RBM20: variants seen among roughly 807,000 people sequenced by gnomAD.
RBM20 encodes the protein RNA-binding protein 20.
Under a neutral mutation model 110.1 loss-of-function variants are expected in RBM20, and 51 were observed. The observed-to-expected ratio is 0.46, with a 90% confidence interval of 0.37 to 0.59. The LOEUF is 0.59. Among genes scored for constraint, RBM20 ranks in the 20% least tolerant of loss-of-function variants. RBM20 has a pLI of 0.00. For synonymous variants in RBM20, 589 were observed against 618.2 expected, an observed-to-expected ratio of 0.95 and a Z score of 0.70; for missense variants, 1,512 against 1,574.9, an observed-to-expected ratio of 0.96 and a Z score of 0.68.
chr10:110,716,046 T>C (rs1863011488), intron 1 of RBM20, among the ~76,000 whole-genome samples: 1 of 152,234 alleles, frequency 6.6e-6, no homozygotes, highest in Non-Finnish European at 1.5e-5. Flanking sequence ...TCAGGAAGTA[T>C]CACATTCTTC....
intron 1 of RBM20, among the ~76,000 whole-genome samples, chr10:110,665,734 GTAT>G (rs1260549738): frequency 2.0e-5 from 3 of 152,048 alleles, no homozygotes; most frequent in Non-Finnish European, 4.4e-5. Context: ...ATTTATTCAT[GTAT>G]TATTTATTTG....
intron 1 of RBM20, among the ~76,000 whole-genome samples, chr10:110,661,187 G>A (rs1399395904): frequency 1.3e-5 from 2 of 152,212 alleles, no homozygotes; most frequent in Non-Finnish European, 2.9e-5. Flanking sequence ...GCCCACCTAG[G>A]ATATGAACTA....
At position 110,644,424 on chromosome 10, in the gene RBM20, T is replaced by C. The variant is rs1192388291; in HGVS notation, c.-31T>C. On this transcript the variant is annotated 5_prime_UTR_variant, in exon 1 of 14. Transcript: ENST00000369519. This position sits in a 1 kb window ranked among gnomAD's most constrained non-coding sequence, Gnocchi z 4.3. ...GGGACCGCCCCTCCCTTGAGCTCTC[T>C]CGCCGCGATCCCGGGCGGGTCTCGC... 8.3e-6 allele frequency: 12 copies of C among 1,441,876 alleles called. No individual in the cohort carries two copies. The African/African-American group carries it at 1.5e-4, about 18-fold the overall frequency. The allele number at this position is 1,441,876 out of a possible 1,614,324, so 89.3% of individuals were successfully genotyped here.
chr10:110,774,917 G>C (rs921099701), intron 1 of RBM20, among the ~76,000 whole-genome samples: 1 of 152,068 alleles, frequency 6.6e-6, no homozygotes, highest in Non-Finnish European at 1.5e-5. Flanking sequence ...GAGAATTTTT[G>C]ATCTAGGAAA....
At chr10:110,833,018 G>T (rs942647013) in intron 13 of RBM20, among the ~76,000 whole-genome samples, 3 of 152,198 alleles carry the variant, frequency 2.0e-5, no homozygotes, top group African/African-American at 7.2e-5. Flanking sequence ...GAATGGTAAG[G>T]ATGGAAGGGG....
rs555504748 is a variant in RBM20, at chr10:110,655,511, T to C, written c.191+10866T>C. ...AGACACGATAGTTTGATTTGCAAAG[T>C]GTGTCTGCCAACTTCCACCAGACCA... On this transcript the variant is annotated intron_variant, in intron 1 of 13. Transcript: ENST00000369519. Among the ~76,000 whole-genome samples, 10 of 152,306 alleles carry C rather than the reference T, an allele frequency of 6.6e-5. 1 individual carries two copies. Among genetic ancestry groups the C allele is most frequent in the African/African-American group, 2.4e-4 (10 of 41,564 alleles).
intron 1 of RBM20, among the ~76,000 whole-genome samples, chr10:110,760,345 T>G (rs1251116048): frequency 6.6e-6 from 1 of 151,522 alleles, no homozygotes; most frequent in African/African-American, 2.4e-5. Context: ...GGGGCTGTGT[T>G]AGACACTTTC....
intron 1 of RBM20, among the ~76,000 whole-genome samples, chr10:110,754,250 TA>T (rs781657541): frequency 2.0e-5 from 3 of 152,368 alleles, no homozygotes; most frequent in East Asian, 1.9e-4. Flanking sequence ...ATAATCTGTA[TA>T]TTTTTTTCTC....
intron 1 of RBM20, 40 bp from the exon 2 acceptor site, chr10:110,780,761 T>C (rs1318392491): frequency 6.8e-7 from 1 of 1,469,744 alleles, no homozygotes; most frequent in East Asian, 2.5e-5. Flanking sequence ...CCCCCCTCAT[T>C]GAAAACCAGC....
chr10:110,823,359 G>A, intron 11 of RBM20, 121 bp from the exon 12 acceptor site: 1 of 1,288,560 alleles, frequency 7.8e-7, no homozygotes, highest in Non-Finnish European at 1.0e-6. Context: ...TGATTAAGCA[G>A]TCCAAGGAAC....
chr10:110,729,126 A>C (rs1487926234), intron 1 of RBM20, among the ~76,000 whole-genome samples: 1 of 152,234 alleles, frequency 6.6e-6, no homozygotes, highest in Non-Finnish European at 1.5e-5. Context: ...TAGGTGTATA[A>C]GAAATTCAGA....
At chr10:110,728,738 G>A (rs1843590279) in intron 1 of RBM20, among the ~76,000 whole-genome samples, 1 of 152,156 alleles carries the variant, frequency 6.6e-6, no homozygotes, top group Admixed American at 6.5e-5. Flanking sequence ...AGGTGGGTGG[G>A]CAGGTGTCAT....
chr10:110,711,266 G>C (rs571410438), intron 1 of RBM20, among the ~76,000 whole-genome samples: 3 of 146,112 alleles, frequency 2.1e-5, no homozygotes, highest in South Asian at 2.2e-4. Context: ...GGAGGCGGAG[G>C]CTGCAGTGAG....
intron 1 of RBM20, among the ~76,000 whole-genome samples, chr10:110,652,809 T>C (rs1861970340): frequency 6.6e-6 from 1 of 152,190 alleles, no homozygotes; most frequent in African/African-American, 2.4e-5. Flanking sequence ...AATGGAGGCA[T>C]TCATAAATTA....
Position 110,644,439 on chromosome 10 carries a change from G to C in RBM20, c.-16G>C. ...TTGAGCTCTCTCGCCGCGATCCCGG[G>C]CGGGTCTCGCCCCGCATGGTGCTGG... On this transcript the variant is annotated 5_prime_UTR_variant, in exon 1 of 14. Coordinates refer to ENST00000369519, the MANE Select transcript of RBM20 (RefSeq NM_001134363.3). This position sits in a 1 kb window ranked among gnomAD's most constrained non-coding sequence, Gnocchi z 4.3. The C allele has an allele frequency of 6.8e-7, 1 of 1,462,732 alleles. No homozygotes were observed. Among genetic ancestry groups the C allele is most frequent in the Non-Finnish European group, 9.0e-7 (1 of 1,112,210 alleles). 90.6% of individuals were successfully genotyped at this position (1,462,732 alleles called of 1,614,324 possible). A position where few individuals can be genotyped will look rare whatever the true frequency, so the allele number is the denominator to read the frequency against.
At chr10:110,709,334 G>A (rs1431340073) in intron 1 of RBM20, among the ~76,000 whole-genome samples, 1 of 152,126 alleles carries the variant, frequency 6.6e-6, no homozygotes, top group Admixed American at 6.5e-5. Flanking sequence ...CTGGACGCTT[G>A]CCTAGGAGAG....
At chr10:110,755,348 C>T (rs976738204) in intron 1 of RBM20, among the ~76,000 whole-genome samples, 5 of 152,128 alleles carry the variant, frequency 3.3e-5, no homozygotes, top group African/African-American at 7.2e-5. Flanking sequence ...AAATCATCCT[C>T]GAGTCTCTTT....
At chr10:110,757,098 C>T (rs923617425) in intron 1 of RBM20, among the ~76,000 whole-genome samples, 1 of 152,196 alleles carries the variant, frequency 6.6e-6, no homozygotes. Context: ...GGGCTGTTAG[C>T]TTCCAGTCCC....
At chr10:110,771,869 T>G (rs573754730) in intron 1 of RBM20, among the ~76,000 whole-genome samples, 1 of 152,382 alleles carries the variant, frequency 6.6e-6, no homozygotes, top group African/African-American at 2.4e-5. Flanking sequence ...TATTTCTTTG[T>G]GTGTATAAAC....
Sources: gnomAD v4.1 joint callset for allele counts (sites outside exome capture counted in the v4.1 genomes callset) on GRCh38, gnomAD v4.1.1 for gene constraint, Gnocchi (gnomAD v3.1) non-coding constraint, MANE v1.5 for transcripts, NCBI Gene and HGNC (gene_info 2026-07-23, HGNC 2026-07-21) for gene names.